The following PTPRT variants were observed in gnomAD, a reference collection of about 807,000 sequenced individuals.
The protein encoded by PTPRT is receptor-type tyrosine-protein phosphatase T.
Under a neutral mutation model 176.8 loss-of-function variants are expected in PTPRT, and 56 were observed. The observed-to-expected ratio is 0.32, with a 90% confidence interval of 0.26 to 0.40. The LOEUF (loss-of-function observed/expected upper bound fraction) is 0.40. Ranked by LOEUF, PTPRT falls within the 10% of genes least tolerant of loss-of-function variation. The pLI, the probability that PTPRT is intolerant of heterozygous loss-of-function variation, is 1.00. For synonymous variants in PTPRT, 783 were observed against 739.0 expected, an observed-to-expected ratio of 1.06 and a Z score of -0.96; for missense variants, 1,540 against 1,908.2, an observed-to-expected ratio of 0.81 and a Z score of 3.60.
chr20:42,101,524 T>C (rs569294219), intron 26 of PTPRT, among the ~76,000 whole-genome samples: 3 of 152,256 alleles, frequency 2.0e-5, no homozygotes, highest in African/African-American at 7.2e-5. Context: ...TGAAGCCCCT[T>C]CCTGGACCTG....
rs372310553 is a variant in PTPRT at position 42,199,400 on chromosome 20, G to A, written c.2343-12C>T. 1 of 1,611,642 alleles carries A rather than the reference G, an allele frequency of 6.2e-7. No homozygotes were observed. The highest frequency in any genetic ancestry group is 1.3e-5 in the African/African-American group (1 of 74,762). ...TCTTGGCCAGCTTCCTTTGGGACAT[G>A]TGCAAGGGGAAAAAACCACAGTCAG... On this transcript the variant is annotated splice_polypyrimidine_tract_variant and intron_variant, in intron 15 of 30. Transcript: ENST00000373187.
Position 42,084,793 on chromosome 20 carries a change from G to T in PTPRT, c.4025C>A (p.Ala1342Asp). The change falls in exon 29 of 31, where the codon GCC becomes GAC. Residue 1342 changes from alanine (A) to aspartate (D), a missense_variant. Transcript: ENST00000373187. ...VQHLQYIGWP[A>D]YRDTPPSKRS... ...CTTGGAGGGGGGCGTGTCCCGGTAGGCAGGCCAGCCAATGTACTGGAGGTG... is the reference window on the plus strand; with the variant it reads ...CTTGGAGGGGGGCGTGTCCCGGTAGTCAGGCCAGCCAATGTACTGGAGGTG... The T allele has an allele frequency of 6.5e-7, 1 of 1,550,234 alleles. No homozygotes were observed. Among genetic ancestry groups the T allele is most frequent in the South Asian group, 1.3e-5 (1 of 77,146 alleles).
At chr20:42,380,229 C>T (rs1295477520) in intron 9 of PTPRT, among the ~76,000 whole-genome samples, 2 of 152,192 alleles carry the variant, frequency 1.3e-5, no homozygotes, top group South Asian at 4.1e-4. Flanking sequence ...TCTCTAGCTC[C>T]CTGTGGAGAC....
chr20:42,764,103 T>C (rs2145433684), intron 5 of PTPRT, among the ~76,000 whole-genome samples: 1 of 152,274 alleles, frequency 6.6e-6, no homozygotes, highest in South Asian at 2.1e-4. Flanking sequence ...TAGTTATTGA[T>C]AGACAGTTTC....
chr20:42,342,535 A>T (rs1239354632), intron 11 of PTPRT, among the ~76,000 whole-genome samples: 1 of 152,228 alleles, frequency 6.6e-6, no homozygotes, highest in Non-Finnish European at 1.5e-5. Context: ...GGTTTGGAGA[A>T]AGAGTGTCTA....
Position 42,634,040 on chromosome 20 carries a change from ATT to A in PTPRT, c.1153+43824_1153+43825del, listed in dbSNP as rs1491380482. 2.2e-3 allele frequency among the ~76,000 whole-genome samples: 67 copies of A among 30,250 alleles called. 2 individuals are homozygous for A. Among genetic ancestry groups the A allele is most frequent in the African/African-American group, 9.5e-3 (59 of 6,180 alleles). 19.8% of individuals were successfully genotyped at this position (30,250 alleles called of 152,430 possible). ...TATATATAATATATATATTATATAT[ATT>A]ATATATATATTATAAATATATAATA... On this transcript the variant is annotated intron_variant, in intron 7 of 30. Transcript: ENST00000373187.
chr20:42,757,706 C>G (rs1179096006), intron 5 of PTPRT, among the ~76,000 whole-genome samples: 2 of 152,224 alleles, frequency 1.3e-5, no homozygotes, highest in East Asian at 3.8e-4. Flanking sequence ...TGTCTGAAAG[C>G]TTCCCAAGTT....
In PTPRT at chr20:42,090,240, T is replaced by TG. The variant is rs35718818; in HGVS notation, c.3847-4388_3847-4387insC. 3.6e-4 allele frequency among the ~76,000 whole-genome samples: 33 copies of TG among 91,378 alleles called. No homozygotes were observed. The East Asian group carries it at 6.8e-3, about 19-fold the overall frequency. 59.9% of individuals were successfully genotyped at this position (91,378 alleles called of 152,430 possible). The stretch of plus-strand genomic sequence containing the variant: ...CAAACCAAGATGGATAAATAGATGA[T>TG]TTTTTTCCTCCACTTAGTAGCTTTT... On this transcript the variant is annotated intron_variant, in intron 27 of 30. Transcript: ENST00000373187.
intron 15 of PTPRT, among the ~76,000 whole-genome samples, chr20:42,201,950 CGTGTGTGT>C (rs11468258): frequency 2.1e-5 from 3 of 143,114 alleles, no homozygotes; most frequent in East Asian, 2.1e-4. Flanking sequence ...AGAAAAGTTG[CGTGTGTGT>C]GTGTGTGTGT....
chr20:42,981,374 T>C (rs1180769430), intron 1 of PTPRT, among the ~76,000 whole-genome samples: 2 of 152,230 alleles, frequency 1.3e-5, no homozygotes, highest in African/African-American at 2.4e-5. Flanking sequence ...TTGTTTGCAA[T>C]ATCTACTTCC....
At chr20:43,186,767 A>C (rs1395229239) in intron 1 of PTPRT, among the ~76,000 whole-genome samples, 1 of 152,246 alleles carries the variant, frequency 6.6e-6, no homozygotes. Flanking sequence ...GCAATCCATG[A>C]CAGAAAGTAA....
chr20:42,524,109 C>A (rs1345439686), intron 7 of PTPRT, among the ~76,000 whole-genome samples: 1 of 152,190 alleles, frequency 6.6e-6, no homozygotes, highest in Admixed American at 6.5e-5. Flanking sequence ...TCTCAGTTTA[C>A]ATGTTATGGT....
chr20:42,391,392 C>T (rs2058797944), intron 9 of PTPRT, among the ~76,000 whole-genome samples: 1 of 152,156 alleles, frequency 6.6e-6, no homozygotes, highest in South Asian at 2.1e-4. Flanking sequence ...ACATGGTCCC[C>T]TGATGTCACA....
At chr20:42,130,570 G>A (rs1988078094) in intron 18 of PTPRT, among the ~76,000 whole-genome samples, 1 of 152,180 alleles carries the variant, frequency 6.6e-6, no homozygotes, top group African/African-American at 2.4e-5. Context: ...ACACTAGAGT[G>A]GGAGAAGGTA....
intron 2 of PTPRT, among the ~76,000 whole-genome samples, chr20:42,792,895 G>A (rs1309702605): frequency 2.0e-5 from 3 of 152,106 alleles, no homozygotes; most frequent in African/African-American, 4.8e-5. Flanking sequence ...AGATAGAAAG[G>A]GAGAGACAGA....
chr20:42,778,362 G>A (rs1394123199), intron 4 of PTPRT, among the ~76,000 whole-genome samples: 1 of 152,138 alleles, frequency 6.6e-6, no homozygotes, highest in African/African-American at 2.4e-5. Flanking sequence ...GCATCAGGAC[G>A]GAGATGAAAA....
At chr20:42,777,792 A>C (rs2077158499) in intron 4 of PTPRT, among the ~76,000 whole-genome samples, 1 of 152,342 alleles carries the variant, frequency 6.6e-6, no homozygotes, top group South Asian at 2.1e-4. Flanking sequence ...ACTCAACTCC[A>C]CATGATTCGT....
intron 7 of PTPRT, among the ~76,000 whole-genome samples, chr20:42,592,263 C>A (rs1005298918): frequency 6.6e-6 from 1 of 152,062 alleles, no homozygotes; most frequent in Admixed American, 6.6e-5. Flanking sequence ...GCATGAGCCA[C>A]CGCACCCAGC....
chr20:43,049,387 C>T (rs577399303), intron 1 of PTPRT, among the ~76,000 whole-genome samples: 2 of 152,242 alleles, frequency 1.3e-5, no homozygotes, highest in East Asian at 3.9e-4. Flanking sequence ...ACTTTGAAAG[C>T]TCAAAACACA....
Sources: allele counts gnomAD v4.1 joint callset (sites outside exome capture counted in the v4.1 genomes callset), GRCh38; gene constraint gnomAD v4.1.1; transcripts MANE v1.5; gene names NCBI Gene and HGNC (gene_info 2026-07-23, HGNC 2026-07-21).